Variants in PRDM5 observed in about 807,000 individuals in gnomAD.
PRDM5 encodes PR/SET domain 5.
Under a neutral mutation model 81.2 loss-of-function variants are expected in PRDM5, and 56 were observed. That is an observed-to-expected ratio of 0.69 (90% CI 0.56 to 0.86). The LOEUF is 0.86. PRDM5 is among the 40% of genes least tolerant of loss of function. PRDM5 has a pLI of 0.00. For synonymous variants in PRDM5, 267 were observed against 256.4 expected (o/e 1.04, Z -0.39); for missense variants, 697 against 770.1 (o/e 0.91, Z 1.12).
At chr4:120,731,480 T>G (rs1740250861) in intron 14 of PRDM5, 1 of 151,264 alleles carries the variant, frequency 6.6e-6, no homozygotes, top group Non-Finnish European at 1.5e-5. Context: ...AGAAAAAGAA[T>G]GGTATAATTT....
intron 8 of PRDM5, chr4:120,810,504 CAAAG>C (rs1334110554): frequency 6.6e-6 from 1 of 151,808 alleles, no homozygotes; most frequent in African/African-American, 2.4e-5. Context: ...TGGAATGTAA[CAAAG>C]AAGATTAGCA....
rs199527174 is a variant in PRDM5 at position 120,816,891 on chromosome 4, C to G, written c.684G>C (p.Lys228Asn). 6.2e-7 allele frequency: 1 copy of G among 1,613,672 alleles called. No individual in the cohort carries two copies. Among genetic ancestry groups the G allele is most frequent in the East Asian group, 2.2e-5 (1 of 44,874 alleles). Residue 228 changes from lysine to asparagine, a missense_variant, in exon 6 of 16, where the codon AAG becomes AAC. Around this residue, in one of 3 missense-constraint regions of PRDM5, gnomAD observed 577 missense variants for 606.7 expected, o/e 0.95. Coordinates refer to ENST00000264808, the MANE Select transcript of PRDM5 (RefSeq NM_018699.4). ...AGCACTGAAAACTTCGCGAAGACTC[C>G]TTTAGACTGCTTTTCGCTGTGCACT... Reference protein sequence around the residue: ...VLQCTAKSSLKESSRSFQCSV... With the variant: ...VLQCTAKSSLNESSRSFQCSV...
At chr4:120,835,620 T>C (rs1757256247) in intron 3 of PRDM5, among the ~76,000 whole-genome samples, 1 of 152,164 alleles carries the variant, frequency 6.6e-6, no homozygotes, top group South Asian at 2.1e-4. Flanking sequence ...ACCATCCATG[T>C]AGGACGTGAC....
chr4:120,851,989 T>C (rs981467774), intron 3 of PRDM5, among the ~76,000 whole-genome samples: 2 of 152,184 alleles, frequency 1.3e-5, no homozygotes, highest in Non-Finnish European at 2.9e-5. Context: ...TCCAGGAAGA[T>C]GAGCTTTCAC....
chr4:120,863,554 T>C (rs1018285004), intron 2 of PRDM5, among the ~76,000 whole-genome samples: 7 of 152,098 alleles, frequency 4.6e-5, no homozygotes, highest in Non-Finnish European at 1.0e-4. Context: ...AGTTTTATCA[T>C]ACAAATACTT....
chr4:120,852,885 G>A (rs1759441897), intron 3 of PRDM5, among the ~76,000 whole-genome samples: 1 of 145,378 alleles, frequency 6.9e-6, no homozygotes, highest in South Asian at 2.2e-4. Context: ...CTGCAGCCTT[G>A]ACCTCTCGGG....
intron 4 of PRDM5, among the ~76,000 whole-genome samples, chr4:120,820,119 C>T (rs978086422): frequency 2.6e-5 from 4 of 152,276 alleles, no homozygotes; most frequent in Middle Eastern, 3.4e-3. Flanking sequence ...AAACTGAAAC[C>T]GCAATGGAAT....
chr4:120,818,995 T>C (rs1204653019), intron 4 of PRDM5, among the ~76,000 whole-genome samples: 2 of 152,170 alleles, frequency 1.3e-5, no homozygotes, highest in African/African-American at 2.4e-5. Flanking sequence ...GAGTGAATTA[T>C]GCTACACGGT....
chr4:120,853,351 G>A (rs1759502049), intron 3 of PRDM5, 67 bp downstream of exon 3: 4 of 1,605,560 alleles, frequency 2.5e-6, no homozygotes, highest in African/African-American at 1.3e-5. Flanking sequence ...AAAACAGGGA[G>A]TACAGTCATA....
intron 8 of PRDM5, among the ~76,000 whole-genome samples, chr4:120,806,761 G>C (rs1753028355): frequency 6.6e-6 from 1 of 152,108 alleles, no homozygotes; most frequent in Non-Finnish European, 1.5e-5. Context: ...AGAAAACCTA[G>C]ACAATACCAT....
rs139027133 is a variant in PRDM5 at position 120,750,973 on chromosome 4, TTATC to T, written c.1623+3576_1623+3579del. 7.2e-3 allele frequency among the ~76,000 whole-genome samples: 1,098 copies of T among 152,330 alleles called. 15 individuals are homozygous for T. Among genetic ancestry groups the T allele is most frequent in the African/African-American group, 0.025 (1,033 of 41,562 alleles). ...AGAAATACAGAAACTATTTATTTTC[TTATC>T]TATCTATTTATTTATTTTTAAATGC... On this transcript the variant is annotated intron_variant, in intron 14 of 15. Coordinates refer to ENST00000264808, the MANE Select transcript of PRDM5 (RefSeq NM_018699.4).
chr4:120,802,541 T>C (rs1752285696), intron 8 of PRDM5, among the ~76,000 whole-genome samples: 1 of 152,234 alleles, frequency 6.6e-6, no homozygotes, highest in African/African-American at 2.4e-5. Flanking sequence ...CAACATTTGC[T>C]ATTCAGCAAT....
Position 120,922,585 on chromosome 4 carries a change from G to A in PRDM5, c.24C>T (p.Asp8=). 2 of 1,609,880 alleles carry A rather than the reference G, an allele frequency of 1.2e-6. No individual in the cohort carries two copies. The highest frequency in any genetic ancestry group is 1.7e-6 in the Non-Finnish European group (2 of 1,178,776). Residue 8 remains aspartate, a synonymous_variant, in exon 1 of 16, where the codon GAC becomes GAT. Transcript: ENST00000264808. ...CCCGGGAGGACTTCAGGGAGAACCT[G>A]TCCGGCACGTACATGCCCAGCATTT... MLGMYVP[D]RFSLKSSRVQ...
At chr4:120,799,212 T>TACTA (rs1751777846) in intron 9 of PRDM5, among the ~76,000 whole-genome samples, 1 of 152,210 alleles carries the variant, frequency 6.6e-6, no homozygotes, top group Non-Finnish European at 1.5e-5. Flanking sequence ...ATAGATTTCT[T>TACTA]ACTAACATGT....
intron 14 of PRDM5, among the ~76,000 whole-genome samples, chr4:120,730,872 A>T (rs1740147347): frequency 6.6e-6 from 1 of 152,208 alleles, no homozygotes; most frequent in Non-Finnish European, 1.5e-5. Flanking sequence ...AAAGGAGTTT[A>T]GTAGACATTC....
intron 3 of PRDM5, among the ~76,000 whole-genome samples, chr4:120,839,907 T>A (rs1757798681): frequency 6.6e-6 from 1 of 152,176 alleles, no homozygotes; most frequent in South Asian, 2.1e-4. Flanking sequence ...AGCAGGCAGC[T>A]GGTGTGTCAG....
At chr4:120,865,471 C>G (rs1362212179) in intron 2 of PRDM5, among the ~76,000 whole-genome samples, 1 of 152,160 alleles carries the variant, frequency 6.6e-6, no homozygotes, top group Non-Finnish European at 1.5e-5. Flanking sequence ...GTAGGATAAT[C>G]TGATATCTCC....
At chr4:120,809,406 T>A (rs116236422) in intron 8 of PRDM5, among the ~76,000 whole-genome samples, 2,810 of 151,844 alleles carry the variant, frequency 0.019, 36 homozygotes, top group Middle Eastern at 0.031. Flanking sequence ...AAAATACTTT[T>A]AAAAAAAACA....
chr4:120,883,469 C>A (rs1009815410), intron 2 of PRDM5, among the ~76,000 whole-genome samples: 3 of 151,546 alleles, frequency 2.0e-5, no homozygotes, highest in African/African-American at 7.3e-5. Flanking sequence ...TCTAAAAGTA[C>A]ACACATTCAT....
Sources: gnomAD v4.1 joint callset for allele counts (sites outside exome capture counted in the v4.1 genomes callset) on GRCh38, gnomAD v4.1.1 for gene constraint, gnomAD v4.1.1 regional missense constraint, MANE v1.5 for transcripts, NCBI Gene and HGNC (gene_info 2026-07-23, HGNC 2026-07-21) for gene names.